KLHL29: variants seen among roughly 807,000 people sequenced by gnomAD.
The protein encoded by KLHL29 is kelch like family member 29, also known as kelch-like protein 29.
In KLHL29, 21 loss-of-function variants were observed where a neutral mutation model predicts 80.4. The observed-to-expected ratio is 0.26, with a 90% confidence interval of 0.19 to 0.38. KLHL29 has a LOEUF of 0.38. Ranked by LOEUF, KLHL29 falls within the 10% of genes least tolerant of loss-of-function variation. The pLI, the probability that KLHL29 is intolerant of heterozygous loss-of-function variation, is 1.00. For synonymous variants in KLHL29, 511 were observed against 526.8 expected, an observed-to-expected ratio of 0.97 and a Z score of 0.41; for missense variants, 867 against 1,223.9, an observed-to-expected ratio of 0.71 and a Z score of 4.35.
At chr2:23,389,668 A>G (rs566089273) in intron 1 of KLHL29, among the ~76,000 whole-genome samples, 116 of 151,922 alleles carry the variant, frequency 7.6e-4, no homozygotes, top group African/African-American at 2.8e-3. Flanking sequence ...GTACTGGGCA[A>G]CAGAGCAAGA....
Position 23,684,954 on chromosome 2 carries a change from G to C in KLHL29, c.1079+417G>C, listed in dbSNP as rs1411182390. Among the ~76,000 whole-genome samples, 1 of 152,204 alleles carries C rather than the reference G, an allele frequency of 6.6e-6. No homozygotes were observed. The highest frequency in any genetic ancestry group is 1.9e-4 in the East Asian group (1 of 5,194). On this transcript the variant is annotated intron_variant, in intron 6 of 13. Transcript: ENST00000486442. This position sits in a 1 kb window ranked among gnomAD's most constrained non-coding sequence, Gnocchi z 4.4. ...GATCCCCAGTGCCATCGTCCCTGCT[G>C]TCGGTGGTGACTAATGCCAGGAAAG...
chr2:23,692,327 G>C (rs1317090162), intron 7 of KLHL29, among the ~76,000 whole-genome samples: 1 of 152,236 alleles, frequency 6.6e-6, no homozygotes. Flanking sequence ...TGTCCCTTGA[G>C]TACCCAGATC....
chr2:23,591,537 C>G (rs1230783518), intron 3 of KLHL29, among the ~76,000 whole-genome samples: 1 of 150,708 alleles, frequency 6.6e-6, no homozygotes, highest in Non-Finnish European at 1.5e-5. Context: ...GTCCCTGACT[C>G]CTCCTGCTCC....
intron 3 of KLHL29, among the ~76,000 whole-genome samples, chr2:23,620,185 G>A (rs1220998517): frequency 6.6e-6 from 1 of 152,182 alleles, no homozygotes; most frequent in Admixed American, 6.5e-5. Flanking sequence ...CCACATGAGG[G>A]TGCTGGCAGA....
At chr2:23,670,763 CA>C (rs913311217) in intron 5 of KLHL29, among the ~76,000 whole-genome samples, 3 of 151,838 alleles carry the variant, frequency 2.0e-5, no homozygotes, top group African/African-American at 7.3e-5. Context: ...AGGAGGCAGA[CA>C]TGTTGCCCTA....
intron 3 of KLHL29, among the ~76,000 whole-genome samples, chr2:23,587,717 C>T (rs1668155080): frequency 6.6e-6 from 1 of 152,170 alleles, no homozygotes; most frequent in Non-Finnish European, 1.5e-5. Flanking sequence ...AGAGCCTAAT[C>T]GGAGCTCTGG....
chr2:23,689,858 C>T (rs1671471949), intron 6 of KLHL29: 1 of 152,276 alleles, frequency 6.6e-6, no homozygotes, highest in Non-Finnish European at 1.5e-5. Context: ...ACAAAGCCAC[C>T]GAGGTATGGA....
At chr2:23,587,389 C>T (rs1338145440) in intron 3 of KLHL29, among the ~76,000 whole-genome samples, 1 of 152,022 alleles carries the variant, frequency 6.6e-6, no homozygotes, top group Non-Finnish European at 1.5e-5. Flanking sequence ...TGGAGTAAGA[C>T]TTGGAGAATC....
rs371671642 is a variant in KLHL29, at chr2:23,653,048, G to C, written c.940+10198G>C. On this transcript the variant is annotated intron_variant, in intron 5 of 13. Coordinates refer to ENST00000486442, the MANE Select transcript of KLHL29 (RefSeq NM_052920.2). ...CCCCCATGCCCCAGCCGTGCACGCT[G>C]AAGCAACTCACCGCCTTCCTCTCTG... 1.4e-4 allele frequency among the ~76,000 whole-genome samples: 22 copies of C among 152,292 alleles called. 1 individual carries two copies. In the East Asian group the frequency reaches 3.9e-3, roughly 27 times the overall value.
intron 2 of KLHL29, among the ~76,000 whole-genome samples, chr2:23,541,161 T>C (rs1477584298): frequency 6.6e-6 from 1 of 152,254 alleles, no homozygotes; most frequent in Non-Finnish European, 1.5e-5. Context: ...TTTCTTCGCT[T>C]GACAGGAATC....
intron 1 of KLHL29, among the ~76,000 whole-genome samples, chr2:23,472,738 A>G (rs763517612): frequency 7.2e-5 from 11 of 152,180 alleles, no homozygotes; most frequent in Admixed American, 3.9e-4. Context: ...TATTTCCTCA[A>G]TTTGAATGTT....
intron 2 of KLHL29, among the ~76,000 whole-genome samples, chr2:23,527,271 C>A (rs1399392028): frequency 1.3e-5 from 2 of 152,202 alleles, no homozygotes; most frequent in Non-Finnish European, 2.9e-5. Flanking sequence ...CGACCTGCTT[C>A]TTCTCCCCTT....
chr2:23,620,314 GAC>G (rs773317237), intron 3 of KLHL29, among the ~76,000 whole-genome samples: 19 of 152,172 alleles, frequency 1.2e-4, no homozygotes, highest in Non-Finnish European at 1.3e-4. Flanking sequence ...GGAGGAGAGT[GAC>G]ATGGTCATAT....
chr2:23,448,762 C>T (rs1037555836), intron 1 of KLHL29, among the ~76,000 whole-genome samples: 3 of 152,214 alleles, frequency 2.0e-5, no homozygotes, highest in Non-Finnish European at 4.4e-5. Flanking sequence ...CTTTTCAGCA[C>T]ACCTGCAAAA....
At chr2:23,655,729 G>A (rs570688484) in intron 5 of KLHL29, among the ~76,000 whole-genome samples, 1 of 152,304 alleles carries the variant, frequency 6.6e-6, no homozygotes, top group Admixed American at 6.5e-5. Context: ...CTTCAAAAAT[G>A]GCCACTGCAC....
intron 1 of KLHL29, among the ~76,000 whole-genome samples, chr2:23,426,959 T>C (rs1250796612): frequency 1.3e-5 from 2 of 152,202 alleles, no homozygotes; most frequent in Non-Finnish European, 2.9e-5. Flanking sequence ...CTTTTCTTAT[T>C]CTAACCAGAA....
In KLHL29 at chr2:23,682,975, C is replaced by T. The variant is rs559708601; in HGVS notation, c.941-1424C>T. Among the ~76,000 whole-genome samples, 5 of 152,352 alleles carry T rather than the reference C, an allele frequency of 3.3e-5. No homozygotes were observed. In the East Asian group the frequency reaches 5.8e-4, roughly 18 times the overall value. On this transcript the variant is annotated intron_variant, in intron 5 of 13. Coordinates refer to ENST00000486442, the MANE Select transcript of KLHL29 (RefSeq NM_052920.2). The surrounding 1 kb of genome is among the most constrained non-coding windows in gnomAD (Gnocchi z 4.1). Reference sequence around the variant, plus strand: ...GCGTGTTCTCCAGGAGCCCCTCCCACCGTCTTCCTTGGTCTTCAGCAGAGC... The same window carrying T: ...GCGTGTTCTCCAGGAGCCCCTCCCATCGTCTTCCTTGGTCTTCAGCAGAGC...
At chr2:23,410,299 G>T (rs12986598) in intron 1 of KLHL29, among the ~76,000 whole-genome samples, 38,396 of 151,268 alleles carry the variant, frequency 0.25, 5,146 homozygotes, top group Admixed American at 0.32. Flanking sequence ...TGAGGGGATG[G>T]TGCATGTGGA....
chr2:23,643,605 A>T (rs749478123), intron 5 of KLHL29: 2 of 156,414 alleles, frequency 1.3e-5, no homozygotes, highest in Non-Finnish European at 2.8e-5. Context: ...AGAGTTCTTG[A>T]TGTCTGTCTG....
Sources: allele counts gnomAD v4.1 joint callset (sites outside exome capture counted in the v4.1 genomes callset), GRCh38; gene constraint gnomAD v4.1.1; non-coding constraint Gnocchi (gnomAD v3.1); transcripts MANE v1.5; gene names NCBI Gene and HGNC (gene_info 2026-07-23, HGNC 2026-07-21).